EML5: variants seen among roughly 807,000 people sequenced by gnomAD.
The protein encoded by EML5 is echinoderm microtubule-associated protein-like 5.
In EML5, 120 loss-of-function variants were observed where a neutral mutation model predicts 250.0. The observed-to-expected ratio is 0.48, with a 90% CI of 0.41 to 0.56. The LOEUF (loss-of-function observed/expected upper bound fraction) is 0.56. Ranked by LOEUF, EML5 falls within the 20% of genes least tolerant of loss-of-function variation. The probability of loss-of-function intolerance (pLI) is 0.00; values close to 1 mark genes in which losing one functional copy is unlikely to be tolerated. For synonymous variants in EML5, 771 were observed against 806.5 expected, an observed-to-expected ratio of 0.96 and a Z score of 0.75; for missense variants, 2,006 against 2,437.6, an observed-to-expected ratio of 0.82 and a Z score of 3.73.
chr14:88,751,142 A>T (rs2094087859), intron 2 of EML5, among the ~76,000 whole-genome samples: 1 of 152,218 alleles, frequency 6.6e-6, no homozygotes, highest in Non-Finnish European at 1.5e-5. Context: ...CCAAACCAAC[A>T]TCCCTATGCA....
chr14:88,673,269 G>A (rs1376973550), intron 21 of EML5, among the ~76,000 whole-genome samples: 1 of 152,138 alleles, frequency 6.6e-6, no homozygotes, highest in Non-Finnish European at 1.5e-5. Context: ...CACATAAACA[G>A]ATCTAAAGAC....
intron 4 of EML5, among the ~76,000 whole-genome samples, chr14:88,741,078 G>A (rs557236917): frequency 1.3e-5 from 2 of 152,136 alleles, no homozygotes; most frequent in African/African-American, 2.4e-5. Context: ...CACAAGAATC[G>A]CTTGATATCA....
chr14:88,721,319 A>G (rs984196094), intron 8 of EML5, among the ~76,000 whole-genome samples: 3 of 152,228 alleles, frequency 2.0e-5, no homozygotes, highest in African/African-American at 7.2e-5. Context: ...GTCAATCCTA[A>G]GCAAAAAGAA....
rs189285925 is a variant in EML5, at chr14:88,725,378, C to G, written c.1187+1163G>C. Among the ~76,000 whole-genome samples, 469 of 152,088 alleles carry G rather than the reference C, an allele frequency of 3.1e-3. 3 individuals are homozygous for G. Among genetic ancestry groups the G allele is most frequent in the Non-Finnish European group, 5.4e-3 (364 of 67,978 alleles). On this transcript the variant is annotated intron_variant, in intron 8 of 43. Coordinates refer to ENST00000554922, the MANE Select transcript of EML5 (RefSeq NM_183387.3). ...CCGGTCTCGGAAAGGGGAGTCAGCACGTGTAGAGGCTCAGAAGTACAAGAA... is the reference window on the plus strand; with the variant it reads ...CCGGTCTCGGAAAGGGGAGTCAGCAGGTGTAGAGGCTCAGAAGTACAAGAA...
At chr14:88,742,465 T>C (rs1470597002) in intron 4 of EML5, among the ~76,000 whole-genome samples, 1 of 152,222 alleles carries the variant, frequency 6.6e-6, no homozygotes, top group Non-Finnish European at 1.5e-5. Context: ...ACTATGTTAC[T>C]ATTCATTTCT....
rs1274310250 is a variant in EML5, at chr14:88,618,696, CT to C, written c.5491del (p.Ser1831AlafsTer53). 6.2e-7 allele frequency: 1 copy of C among 1,612,112 alleles called. No homozygotes were observed. The highest frequency in any genetic ancestry group is 8.5e-7 in the Non-Finnish European group (1 of 1,179,172). On this transcript the variant is annotated frameshift_variant, in exon 40 of 44. Coordinates refer to ENST00000554922, the MANE Select transcript of EML5 (RefSeq NM_183387.3). LOFTEE classifies it high-confidence loss of function. ...AGAGAAGTCCATTTGAATGACAAAG[CT>C]TGGAATGTCTTTGCAGTAGCTGATT... ...NRISYCKDIP[S>X]FVIQMDFSAD...
At chr14:88,766,431 T>G (rs1030642563) in intron 1 of EML5, among the ~76,000 whole-genome samples, 1 of 152,132 alleles carries the variant, frequency 6.6e-6, no homozygotes, top group Admixed American at 6.5e-5. Context: ...ATGTCTGTCT[T>G]TTACAGTTGT....
At chr14:88,707,050 A>G (rs1484552534) in intron 10 of EML5, among the ~76,000 whole-genome samples, 1 of 152,092 alleles carries the variant, frequency 6.6e-6, no homozygotes, top group East Asian at 1.9e-4. Context: ...GTTTTGTCTA[A>G]TGCCTCCTCA....
intron 7 of EML5, among the ~76,000 whole-genome samples, chr14:88,733,997 C>T (rs772118241): frequency 6.6e-6 from 1 of 151,398 alleles, no homozygotes; most frequent in Non-Finnish European, 1.5e-5. Flanking sequence ...TTACCTAAAA[C>T]AACCTACACG....
chr14:88,636,505 A>G (rs777993722), intron 32 of EML5, among the ~76,000 whole-genome samples: 1 of 152,316 alleles, frequency 6.6e-6, no homozygotes, highest in African/African-American at 2.4e-5. Flanking sequence ...TACTAAAAAT[A>G]CAAAAATTAG....
intron 20 of EML5, among the ~76,000 whole-genome samples, chr14:88,682,899 A>ATTT (rs1434727444): frequency 6.6e-6 from 1 of 152,200 alleles, no homozygotes; most frequent in Non-Finnish European, 1.5e-5. Flanking sequence ...ATACTCAAAG[A>ATTT]TAAGGATTCC....
chr14:88,741,781 G>T (rs2140258384), intron 4 of EML5, among the ~76,000 whole-genome samples: 1 of 152,154 alleles, frequency 6.6e-6, no homozygotes, highest in African/African-American at 2.4e-5. Flanking sequence ...TCTGCATAAA[G>T]AAATTAGGCC....
intron 27 of EML5, among the ~76,000 whole-genome samples, chr14:88,655,600 T>G (rs548946770): frequency 4.5e-4 from 69 of 152,162 alleles, no homozygotes; most frequent in African/African-American, 1.5e-3. Flanking sequence ...TGACAGCAAT[T>G]GCAACAAAAG....
At chr14:88,628,646 T>C (rs1460381781) in intron 33 of EML5, among the ~76,000 whole-genome samples, 1 of 152,082 alleles carries the variant, frequency 6.6e-6, no homozygotes, top group Non-Finnish European at 1.5e-5. Context: ...AAATTATAAA[T>C]GTTATAAATG....
intron 1 of EML5, among the ~76,000 whole-genome samples, chr14:88,765,563 G>T (rs1034727936): frequency 6.6e-6 from 1 of 152,100 alleles, no homozygotes; most frequent in Non-Finnish European, 1.5e-5. Context: ...CACATAATTA[G>T]ACTGGGCCCA....
rs779242785 is a variant in EML5, at chr14:88,613,763, G to A, written c.*2055C>T. 1 of 152,154 alleles carries A rather than the reference G, an allele frequency of 6.6e-6. No homozygotes were observed. The highest frequency in any genetic ancestry group is 1.5e-5 in the Non-Finnish European group (1 of 68,024). 9.4% of individuals were successfully genotyped at this position (152,154 alleles called of 1,614,324 possible). On this transcript the variant is annotated 3_prime_UTR_variant, in exon 44 of 44. Coordinates refer to ENST00000554922, the MANE Select transcript of EML5 (RefSeq NM_183387.3). ...ATACATAAAATGAATGGAACAAAAG[G>A]TGCCAGAAGTCCCAGGTTACACAAT...
intron 31 of EML5, among the ~76,000 whole-genome samples, chr14:88,639,588 T>G (rs2090943802): frequency 6.6e-6 from 1 of 152,196 alleles, no homozygotes; most frequent in Non-Finnish European, 1.5e-5. Flanking sequence ...AATCTGTTTT[T>G]GTTTTTTTGA....
chr14:88,621,577 T>C, intron 37 of EML5: 1 of 457,366 alleles, frequency 2.2e-6, no homozygotes, highest in Non-Finnish European at 3.9e-6. Context: ...TCAAAGTTTT[T>C]ATTTGATAAT....
intron 29 of EML5, among the ~76,000 whole-genome samples, chr14:88,646,498 T>TC (rs2091354261): frequency 6.6e-6 from 1 of 152,194 alleles, no homozygotes; most frequent in Non-Finnish European, 1.5e-5. Context: ...CTTGCTTTTT[T>TC]CCCCAAGTCA....
Sources: gnomAD v4.1 joint callset for allele counts (sites outside exome capture counted in the v4.1 genomes callset) on GRCh38, gnomAD v4.1.1 for gene constraint, MANE v1.5 for transcripts, NCBI Gene and HGNC (gene_info 2026-07-23, HGNC 2026-07-21) for gene names.